Variants in GALNT9 observed in about 807,000 individuals in gnomAD.
GALNT9 encodes the protein GalNAc transferase 9.
In GALNT9, 47 loss-of-function variants were observed where a neutral mutation model predicts 63.1. The observed-to-expected ratio is 0.75, with a 90% confidence interval of 0.59 to 0.95. The LOEUF is 0.95. Ranked by LOEUF, GALNT9 falls within the 40% of genes least tolerant of loss-of-function variation. GALNT9 has a pLI of 0.00. For missense variants in GALNT9, 829 were observed against 874.8 expected, an observed-to-expected ratio of 0.95 and a Z score of 0.66; for synonymous variants, 396 against 365.7, an observed-to-expected ratio of 1.08 and a Z score of -0.94.
chr12:132,263,037 C>A (rs1879463924), intron 2 of GALNT9, among the ~76,000 whole-genome samples: 2 of 152,062 alleles, frequency 1.3e-5, no homozygotes, highest in South Asian at 4.2e-4. Flanking sequence ...ACAGGAGCCT[C>A]CCCTGTGGGC....
chr12:132,230,764 G>C (rs1877859909), intron 6 of GALNT9, among the ~76,000 whole-genome samples: 1 of 152,244 alleles, frequency 6.6e-6, no homozygotes, highest in Non-Finnish European at 1.5e-5. Context: ...ACTGGAGGCT[G>C]AGGTATGTGT....
chr12:132,199,363 G>A (rs543748706), intron 8 of GALNT9, 94 bp from the exon 9 acceptor site: 1 of 894,784 alleles, frequency 1.1e-6, no homozygotes, highest in African/African-American at 1.6e-5. Flanking sequence ...AGCACCTAAG[G>A]AGGTGCCCGC....
chr12:132,198,683 G>T (rs1875746926), intron 9 of GALNT9, among the ~76,000 whole-genome samples: 1 of 152,078 alleles, frequency 6.6e-6, no homozygotes, highest in African/African-American at 2.4e-5. Flanking sequence ...TTGAGATACG[G>T]TCTCGCTCTG....
chr12:132,211,413 A>G (rs1876951378), intron 6 of GALNT9, among the ~76,000 whole-genome samples: 1 of 152,140 alleles, frequency 6.6e-6, no homozygotes, highest in African/African-American at 2.4e-5. Flanking sequence ...ATGATCCGAA[A>G]CTGTAATTAC....
At chr12:132,247,227 C>T (rs1201611916) in intron 6 of GALNT9, among the ~76,000 whole-genome samples, 1 of 152,178 alleles carries the variant, frequency 6.6e-6, no homozygotes, top group Non-Finnish European at 1.5e-5. Context: ...GAAGCCCGGC[C>T]GAGCTCAGAG....
intron 5 of GALNT9, among the ~76,000 whole-genome samples, chr12:132,253,431 C>G (rs918247423): frequency 6.6e-6 from 1 of 151,588 alleles, no homozygotes. Context: ...GGCCCTTATG[C>G]GGGCATGACA....
chr12:132,326,929 G>C (rs1409105293), intron 1 of GALNT9, among the ~76,000 whole-genome samples: 1 of 152,220 alleles, frequency 6.6e-6, no homozygotes, highest in Non-Finnish European at 1.5e-5. Context: ...TCCCCGTAGG[G>C]CCCCACCGGG....
At chr12:132,202,115 G>A (rs1395283842) in intron 7 of GALNT9, among the ~76,000 whole-genome samples, 1 of 152,328 alleles carries the variant, frequency 6.6e-6, no homozygotes, top group East Asian at 1.9e-4. Flanking sequence ...GGTAAAGTGG[G>A]GACGATCACG....
intron 6 of GALNT9, among the ~76,000 whole-genome samples, chr12:132,226,951 C>A (rs1877718259): frequency 2.0e-5 from 3 of 150,288 alleles, no homozygotes; most frequent in Admixed American, 1.3e-4. Context: ...CCCACATACA[C>A]CCCATACACA....
chr12:132,226,439 C>T (rs1221443032), intron 6 of GALNT9, among the ~76,000 whole-genome samples: 2 of 149,002 alleles, frequency 1.3e-5, no homozygotes, highest in Middle Eastern at 3.6e-3. Flanking sequence ...ACTGTACAGA[C>T]ATATCCCACA....
intron 1 of GALNT9, among the ~76,000 whole-genome samples, chr12:132,308,203 G>C (rs552847346): frequency 6.6e-6 from 1 of 152,346 alleles, no homozygotes; most frequent in South Asian, 2.1e-4. Flanking sequence ...GACCCTCCCT[G>C]CGGCCTCTGG....
intron 6 of GALNT9, among the ~76,000 whole-genome samples, chr12:132,237,167 G>T (rs1422859469): frequency 6.6e-6 from 1 of 152,122 alleles, no homozygotes; most frequent in African/African-American, 2.4e-5. Context: ...CTGGTTGGCT[G>T]TGTCCTGACC....
rs191532462 is a variant in GALNT9, at chr12:132,266,261, G to A, written c.420-3636C>T. Among the ~76,000 whole-genome samples the A allele has an allele frequency of 2.4e-4, 36 of 152,318 alleles. No individual in the cohort carries two copies. In the Middle Eastern group the frequency reaches 0.01, roughly 43 times the overall value. Reference sequence around the variant, plus strand: ...TCATGAATGTGCATGCACAGCTCCCGAGAAAGGACTCCCCTCGAGCTAAGG... The same window carrying A: ...TCATGAATGTGCATGCACAGCTCCCAAGAAAGGACTCCCCTCGAGCTAAGG... On this transcript the variant is annotated intron_variant, in intron 2 of 10. Coordinates refer to ENST00000328957, the MANE Select transcript of GALNT9 (RefSeq NM_001122636.2).
At chr12:132,306,562 C>T (rs904147686) in intron 1 of GALNT9, among the ~76,000 whole-genome samples, 13 of 152,166 alleles carry the variant, frequency 8.5e-5, no homozygotes, top group South Asian at 8.3e-4. Flanking sequence ...GACACAGGTG[C>T]GTCTCCAGGC....
At chr12:132,207,206 C>G (rs1329274844) in intron 6 of GALNT9, among the ~76,000 whole-genome samples, 1 of 152,234 alleles carries the variant, frequency 6.6e-6, no homozygotes, top group African/African-American at 2.4e-5. Flanking sequence ...CAGTATGGCG[C>G]CGCCTGCTAT....
chr12:132,308,039 A>G (rs1337444308), intron 1 of GALNT9, among the ~76,000 whole-genome samples: 1 of 150,928 alleles, frequency 6.6e-6, no homozygotes, highest in Non-Finnish European at 1.5e-5. Context: ...CTGTCTCAAA[A>G]AAAAAAAAAC....
chr12:132,208,040 A>G (rs968886425), intron 6 of GALNT9, among the ~76,000 whole-genome samples: 3 of 152,180 alleles, frequency 2.0e-5, no homozygotes, highest in African/African-American at 7.2e-5. Flanking sequence ...AGGGACCAGT[A>G]TATCATCTGC....
intron 5 of GALNT9, among the ~76,000 whole-genome samples, chr12:132,249,193 G>C (rs370426338): frequency 6.6e-5 from 10 of 152,246 alleles, no homozygotes; most frequent in Non-Finnish European, 8.8e-5. Context: ...TGTCCGTGGA[G>C]AGCTTCATTT....
At chr12:132,253,778 A>C (rs1879011865) in intron 5 of GALNT9, among the ~76,000 whole-genome samples, 1 of 152,150 alleles carries the variant, frequency 6.6e-6, no homozygotes, top group Non-Finnish European at 1.5e-5. Context: ...CTAAAGTTCC[A>C]TTCCCCAAAG....
Sources: allele counts gnomAD v4.1 joint callset (sites outside exome capture counted in the v4.1 genomes callset), GRCh38; gene constraint gnomAD v4.1.1; transcripts MANE v1.5; gene names NCBI Gene and HGNC (gene_info 2026-07-23, HGNC 2026-07-21).